ENPP3: variants seen among roughly 807,000 people sequenced by gnomAD.
ENPP3 encodes ectonucleotide pyrophosphatase/phosphodiesterase family member 3.
ENPP3 carries 104 observed loss-of-function variants against 117.8 expected under a neutral mutation model. That is an observed-to-expected ratio of 0.88 (90% CI 0.75 to 1.04). The LOEUF is 1.04. Ranked by LOEUF, ENPP3 falls within the 50% of genes least tolerant of loss-of-function variation. ENPP3 has a pLI of 0.00. For missense variants in ENPP3, 1,026 were observed against 1,051.9 expected, an observed-to-expected ratio of 0.98 and a Z score of 0.34; for synonymous variants, 380 against 349.9, an observed-to-expected ratio of 1.09 and a Z score of -0.96.
chr6:131,645,744 C>T (rs1002490836), intron 2 of ENPP3, among the ~76,000 whole-genome samples: 4 of 152,016 alleles, frequency 2.6e-5, no homozygotes, highest in African/African-American at 9.7e-5. Flanking sequence ...CTTATAGTAT[C>T]CAGAGTTGCT....
At chr6:131,744,790 A>C (rs955364087) in intron 24 of ENPP3, among the ~76,000 whole-genome samples, 1 of 148,484 alleles carries the variant, frequency 6.7e-6, no homozygotes, top group African/African-American at 2.6e-5. Context: ...TAATTCTGTA[A>C]CAGGTCATTT....
Position 131,658,403 on chromosome 6 carries a change from C to T in ENPP3, c.545C>T (p.Pro182Leu). ...TTATACACATGGGATACTTTAATGCCAAATATCAATAAACTGAGTAAGTCT... is the reference window on the plus strand; with the variant it reads ...TTATACACATGGGATACTTTAATGCTAAATATCAATAAACTGAGTAAGTCT... Reference protein sequence around the residue: ...EYLYTWDTLMPNINKLKTCGI... With the variant: ...EYLYTWDTLMLNINKLKTCGI... The change falls in exon 6 of 25, where the codon CCA becomes CTA. Residue 182 changes from proline to leucine, a missense_variant. Pro to Leu is a moderately conservative substitution (Grantham distance 98). Transcript: ENST00000357639. 2 of 1,554,246 alleles carry T rather than the reference C, an allele frequency of 1.3e-6. No homozygotes were observed. Among genetic ancestry groups the T allele is most frequent in the Non-Finnish European group, 1.8e-6 (2 of 1,125,926 alleles).
intron 15 of ENPP3, among the ~76,000 whole-genome samples, chr6:131,711,403 T>G (rs973760762): frequency 4.1e-5 from 6 of 145,770 alleles, no homozygotes; most frequent in Admixed American, 1.4e-4. Flanking sequence ...TTGGTAGTTT[T>G]CTTTGCTTTA....
chr6:131,675,757 C>T (rs1778853924), intron 9 of ENPP3, among the ~76,000 whole-genome samples: 1 of 152,162 alleles, frequency 6.6e-6, no homozygotes, highest in Non-Finnish European at 1.5e-5. Context: ...ATAGCTTGAA[C>T]CCAGGAGGTG....
chr6:131,669,830 A>T (rs901083196), intron 6 of ENPP3, among the ~76,000 whole-genome samples: 2 of 152,062 alleles, frequency 1.3e-5, no homozygotes, highest in African/African-American at 4.8e-5. Flanking sequence ...TGGGAAGGAG[A>T]CCAACCCCAT....
intron 6 of ENPP3, among the ~76,000 whole-genome samples, chr6:131,662,451 A>G (rs1778523584): frequency 6.6e-6 from 1 of 152,126 alleles, no homozygotes; most frequent in African/African-American, 2.4e-5. Context: ...CATGTTGTCC[A>G]GGCTGGTCTT....
intron 2 of ENPP3, among the ~76,000 whole-genome samples, chr6:131,644,483 A>T (rs1462284675): frequency 6.6e-6 from 1 of 152,166 alleles, no homozygotes; most frequent in South Asian, 2.1e-4. Context: ...GGGTAGATAG[A>T]TTTTATTGAA....
intron 15 of ENPP3, among the ~76,000 whole-genome samples, chr6:131,713,438 G>A (rs1410204491): frequency 2.0e-5 from 3 of 147,930 alleles, no homozygotes; most frequent in Admixed American, 2.0e-4. Flanking sequence ...TATTTTTAAT[G>A]TAAAGCTATA....
chr6:131,716,988 T>A (rs1562469871), intron 15 of ENPP3, among the ~76,000 whole-genome samples: 1 of 151,826 alleles, frequency 6.6e-6, no homozygotes, highest in Non-Finnish European at 1.5e-5. Context: ...AATAAATAAA[T>A]AAATAAAACC....
intron 15 of ENPP3, among the ~76,000 whole-genome samples, chr6:131,714,643 A>G (rs1562468576): frequency 7.8e-6 from 1 of 128,128 alleles, no homozygotes; most frequent in Non-Finnish European, 1.5e-5. Flanking sequence ...TTCTCCATTC[A>G]TCTCACAGTT....
intron 6 of ENPP3, among the ~76,000 whole-genome samples, chr6:131,667,470 C>T (rs974693064): frequency 2.6e-4 from 39 of 152,276 alleles, no homozygotes; most frequent in African/African-American, 9.1e-4. Flanking sequence ...CCTCTTTGTT[C>T]TTTGTAGCAC....
At position 131,679,089 on chromosome 6, in the gene ENPP3, T is replaced by TTC. The variant is rs1562447085; in HGVS notation, c.1011+1149_1011+1150insTC. On this transcript the variant is annotated intron_variant, in intron 11 of 24. Transcript: ENST00000357639. ...TCTTTCTTTCTTTCTTTCTTTCTTT[T>TTC]CTTCTTTCTTTCTTTCCTTTTTTGA... Among the ~76,000 whole-genome samples the TTC allele has an allele frequency of 1.3e-3, 105 of 80,522 alleles. 4 individuals are homozygous for TTC. Among genetic ancestry groups the TTC allele is most frequent in the African/African-American group, 4.9e-3 (80 of 16,400 alleles). The allele number at this position is 80,522 out of a possible 152,430, so 52.8% of individuals were successfully genotyped here.
At chr6:131,678,823 G>C (rs1221735211) in intron 11 of ENPP3, among the ~76,000 whole-genome samples, 1 of 152,156 alleles carries the variant, frequency 6.6e-6, no homozygotes, top group Admixed American at 6.5e-5. Context: ...CTGTATCACA[G>C]AATTGTATGC....
chr6:131,717,117 T>C (rs1009740074), intron 15 of ENPP3, among the ~76,000 whole-genome samples: 2 of 152,156 alleles, frequency 1.3e-5, no homozygotes, highest in African/African-American at 4.8e-5. Context: ...GCTTTCCCCA[T>C]TCCAGGTACT....
intron 1 of ENPP3, chr6:131,638,477 C>T: frequency 4.4e-6 from 2 of 453,958 alleles, no homozygotes; most frequent in Non-Finnish European, 8.8e-6. Context: ...GATCTCACCT[C>T]ACCACAACCT....
At chr6:131,660,968 G>A (rs1778486663) in intron 6 of ENPP3, among the ~76,000 whole-genome samples, 1 of 152,052 alleles carries the variant, frequency 6.6e-6, no homozygotes, top group Non-Finnish European at 1.5e-5. Flanking sequence ...CCTCATATAA[G>A]TGGAATCATA....
chr6:131,733,260 ACATCAC>A (rs1199715372), intron 20 of ENPP3, among the ~76,000 whole-genome samples: 9 of 152,216 alleles, frequency 5.9e-5, no homozygotes, highest in Non-Finnish European at 1.0e-4. Context: ...AGTACAATAT[ACATCAC>A]CACATAAAAG....
At chr6:131,638,628 G>T in intron 1 of ENPP3, 3 of 334,970 alleles carry the variant, frequency 9.0e-6, no homozygotes, top group South Asian at 7.3e-5. Context: ...GTTTCACCAT[G>T]TTGCCCAGGC....
At chr6:131,682,449 G>T (rs1426116247) in intron 11 of ENPP3, among the ~76,000 whole-genome samples, 1 of 152,164 alleles carries the variant, frequency 6.6e-6, no homozygotes, top group Non-Finnish European at 1.5e-5. Context: ...AGCTGTGATT[G>T]TGTCACTGTA....
Sources: allele counts gnomAD v4.1 joint callset (sites outside exome capture counted in the v4.1 genomes callset), GRCh38; gene constraint gnomAD v4.1.1; transcripts MANE v1.5; gene names NCBI Gene and HGNC (gene_info 2026-07-23, HGNC 2026-07-21).